The following GRM8 variants were observed in gnomAD, a reference collection of about 807,000 sequenced individuals.
The protein encoded by GRM8 is glutamate metabotropic receptor 8, also known as metabotropic glutamate receptor 8.
In GRM8, 47 loss-of-function variants were observed where a neutral mutation model predicts 87.2. The ratio of observed to expected loss-of-function variants is 0.54; its 90% CI spans 0.43 to 0.69. The LOEUF is 0.69. GRM8 is among the 30% of genes least tolerant of loss of function. The probability of loss-of-function intolerance (pLI) is 0.00; values close to 1 mark genes in which losing one functional copy is unlikely to be tolerated. For missense variants in GRM8, 1,019 were observed against 1,139.2 expected (o/e 0.89, Z 1.52); for synonymous variants, 396 against 404.5 (o/e 0.98, Z 0.25).
At chr7:127,191,390 A>G (rs1021087575) in intron 2 of GRM8, among the ~76,000 whole-genome samples, 6 of 152,182 alleles carry the variant, frequency 3.9e-5, no homozygotes, top group Non-Finnish European at 8.8e-5. Context: ...CAATCCCTTA[A>G]CCTTCTAGCA....
At chr7:126,567,422 G>T (rs922732710) in intron 8 of GRM8, among the ~76,000 whole-genome samples, 3 of 150,358 alleles carry the variant, frequency 2.0e-5, no homozygotes, top group South Asian at 4.3e-4. Flanking sequence ...GTAGGGGGAG[G>T]GGGGAGGGAT....
intron 3 of GRM8, among the ~76,000 whole-genome samples, chr7:126,912,385 T>G (rs142215554): frequency 0.017 from 2,538 of 152,342 alleles, 69 homozygotes; most frequent in African/African-American, 0.057. Context: ...GACATTGATC[T>G]TCTCCTGCTC....
intron 9 of GRM8, among the ~76,000 whole-genome samples, chr7:126,508,117 C>A (rs1810765364): frequency 6.6e-6 from 1 of 152,038 alleles, no homozygotes. Context: ...ACACCTCCAA[C>A]TTCAGCTTCT....
At chr7:127,096,658 C>T (rs909821593) in intron 3 of GRM8, among the ~76,000 whole-genome samples, 1 of 151,990 alleles carries the variant, frequency 6.6e-6, no homozygotes, top group Admixed American at 6.6e-5. Context: ...ATTGTTATCC[C>T]CACTCTACAC....
chr7:126,920,979 T>C (rs1351953357), intron 3 of GRM8, among the ~76,000 whole-genome samples: 2 of 152,146 alleles, frequency 1.3e-5, no homozygotes, highest in Non-Finnish European at 2.9e-5. Context: ...TAAAGCCCAC[T>C]GGCCAATGAA....
chr7:127,247,157 G>C (rs1035014881), intron 1 of GRM8, among the ~76,000 whole-genome samples: 3 of 152,184 alleles, frequency 2.0e-5, no homozygotes, highest in Non-Finnish European at 4.4e-5. Flanking sequence ...GGTGATTTCT[G>C]AATCTCTCAA....
At chr7:126,545,370 G>GATTC (rs1817031344) in intron 8 of GRM8, among the ~76,000 whole-genome samples, 1 of 152,144 alleles carries the variant, frequency 6.6e-6, no homozygotes, top group Non-Finnish European at 1.5e-5. Flanking sequence ...TTTAACTTAT[G>GATTC]ATAATTCTAA....
chr7:126,980,618 A>C (rs1275753837), intron 3 of GRM8, among the ~76,000 whole-genome samples: 1 of 152,222 alleles, frequency 6.6e-6, no homozygotes, highest in East Asian at 1.9e-4. Context: ...TGTAACTCTT[A>C]ACTATTTATA....
Position 126,930,737 on chromosome 7 carries a change from T to C in GRM8, c.728-26054A>G, listed in dbSNP as rs1025659120. Among the ~76,000 whole-genome samples the C allele has an allele frequency of 3.9e-5, 6 of 152,198 alleles. No individual in the cohort carries two copies. In the East Asian group the frequency reaches 7.7e-4, roughly 20 times the overall value. On this transcript the variant is annotated intron_variant, in intron 3 of 10. Coordinates refer to ENST00000339582, the MANE Select transcript of GRM8 (RefSeq NM_000845.3). The stretch of plus-strand genomic sequence containing the variant: ...GATAATTCCTATCAATTATTAAATG[T>C]TTTCATGTGAGCCGAGTATTATAAG...
intron 6 of GRM8, among the ~76,000 whole-genome samples, chr7:126,877,018 A>G (rs1799578790): frequency 1.3e-5 from 2 of 151,896 alleles, no homozygotes; most frequent in East Asian, 1.9e-4. Context: ...TTTCACCTCT[A>G]CTACTCAGGG....
intron 6 of GRM8, among the ~76,000 whole-genome samples, chr7:126,867,402 C>A (rs1403683550): frequency 6.6e-6 from 1 of 152,166 alleles, no homozygotes; most frequent in Non-Finnish European, 1.5e-5. Flanking sequence ...CACTTTCTTA[C>A]CCAAACCACT....
intron 3 of GRM8, among the ~76,000 whole-genome samples, chr7:126,925,265 A>G (rs1804971539): frequency 6.6e-6 from 1 of 152,210 alleles, no homozygotes; most frequent in Non-Finnish European, 1.5e-5. Context: ...GTGAAAAATT[A>G]AATAGCTCAA....
chr7:126,622,228 C>G (rs968798238), intron 7 of GRM8, among the ~76,000 whole-genome samples: 1 of 152,106 alleles, frequency 6.6e-6, no homozygotes, highest in Admixed American at 6.6e-5. Context: ...AGGTGCCTCA[C>G]TTCCTTTACC....
At chr7:126,608,276 A>T (rs2151096497) in intron 8 of GRM8, among the ~76,000 whole-genome samples, 1 of 151,794 alleles carries the variant, frequency 6.6e-6, no homozygotes, top group South Asian at 2.1e-4. Flanking sequence ...TCCCCCAAAG[A>T]CCTCTGCCCT....
At chr7:126,597,954 A>G (rs1797367385) in intron 8 of GRM8, among the ~76,000 whole-genome samples, 1 of 152,032 alleles carries the variant, frequency 6.6e-6, no homozygotes, top group African/African-American at 2.4e-5. Context: ...GCTATTTTCA[A>G]TTATACAATA....
intron 2 of GRM8, among the ~76,000 whole-genome samples, chr7:127,111,451 T>G (rs185867022): frequency 2.5e-4 from 38 of 152,216 alleles, no homozygotes; most frequent in African/African-American, 7.9e-4. Context: ...TGGCCTTCCT[T>G]GAAATGGTAA....
At chr7:127,145,167 C>A (rs1455902563) in intron 2 of GRM8, among the ~76,000 whole-genome samples, 2 of 152,076 alleles carry the variant, frequency 1.3e-5, no homozygotes, top group African/African-American at 2.4e-5. Flanking sequence ...CAACTGTAAA[C>A]AGCCTGATGA....
chr7:126,469,481 C>T (rs1352732264), intron 9 of GRM8, among the ~76,000 whole-genome samples: 1 of 152,096 alleles, frequency 6.6e-6, no homozygotes, highest in Non-Finnish European at 1.5e-5. Flanking sequence ...CTGTAGCTCC[C>T]ACAATCCCCA....
chr7:126,620,925 C>T (rs768762013), intron 7 of GRM8, among the ~76,000 whole-genome samples: 6 of 152,144 alleles, frequency 3.9e-5, no homozygotes, highest in Non-Finnish European at 7.3e-5. Flanking sequence ...TTCTTCCCTG[C>T]TCCCCTCATG....
Sources: allele counts gnomAD v4.1 joint callset (sites outside exome capture counted in the v4.1 genomes callset), GRCh38; gene constraint gnomAD v4.1.1; transcripts MANE v1.5; gene names NCBI Gene and HGNC (gene_info 2026-07-23, HGNC 2026-07-21).